The following UBE2E2 variants were observed in gnomAD, a reference collection of about 807,000 sequenced individuals.
UBE2E2 encodes the protein ubiquitin conjugating enzyme E2 E2.
Under a neutral mutation model 24.7 loss-of-function variants are expected in UBE2E2, and 6 were observed. The observed-to-expected ratio is 0.24, with a 90% CI of 0.13 to 0.48. UBE2E2 has a LOEUF of 0.48. Among genes scored for constraint, UBE2E2 ranks in the 20% least tolerant of loss-of-function variants. The probability of loss-of-function intolerance (pLI) is 0.99; values close to 1 mark genes in which losing one functional copy is unlikely to be tolerated. For synonymous variants in UBE2E2, 104 were observed against 83.6 expected (o/e 1.24, Z -1.33); for missense variants, 169 against 245.0 (o/e 0.69, Z 2.07).
intron 5 of UBE2E2, among the ~76,000 whole-genome samples, chr3:23,581,170 A>G (rs2125518774): frequency 6.6e-6 from 1 of 152,200 alleles, no homozygotes; most frequent in Non-Finnish European, 1.5e-5. Context: ...TCCTGGACTC[A>G]AGGGATCCTC....
chr3:23,350,267 A>T (rs1401361216), intron 3 of UBE2E2, among the ~76,000 whole-genome samples: 1 of 152,228 alleles, frequency 6.6e-6, no homozygotes, highest in African/African-American at 2.4e-5. Flanking sequence ...AAAAGTAGAT[A>T]AAACCACAAA....
intron 3 of UBE2E2, among the ~76,000 whole-genome samples, chr3:23,294,111 A>G (rs1166612772): frequency 6.6e-6 from 1 of 152,242 alleles, no homozygotes; most frequent in Non-Finnish European, 1.5e-5. Context: ...AAAAATGTTA[A>G]GAAACTAATT....
chr3:23,321,772 C>A (rs1694744791), intron 3 of UBE2E2, among the ~76,000 whole-genome samples: 1 of 151,458 alleles, frequency 6.6e-6, no homozygotes, highest in Non-Finnish European at 1.5e-5. Flanking sequence ...GAATCATTGT[C>A]TTTGCTAATT....
intron 3 of UBE2E2, among the ~76,000 whole-genome samples, chr3:23,460,175 C>T (rs1698777112): frequency 6.6e-6 from 1 of 152,164 alleles, no homozygotes; most frequent in Non-Finnish European, 1.5e-5. Context: ...ATGAGCTGCC[C>T]TCCCAGAGGT....
chr3:23,322,282 C>T (rs1038435746), intron 3 of UBE2E2, among the ~76,000 whole-genome samples: 2 of 152,118 alleles, frequency 1.3e-5, no homozygotes, highest in Non-Finnish European at 2.9e-5. Context: ...TTCTCTTATT[C>T]AGTTAGTTGA....
At chr3:23,400,701 AG>A (rs1231564393) in intron 3 of UBE2E2, among the ~76,000 whole-genome samples, 2 of 152,090 alleles carry the variant, frequency 1.3e-5, no homozygotes, top group African/African-American at 4.8e-5. Context: ...CCACTTAAAT[AG>A]AAAGCCACAT....
intron 4 of UBE2E2, among the ~76,000 whole-genome samples, chr3:23,513,006 TTA>T (rs1373016595): frequency 2.0e-5 from 3 of 152,154 alleles, no homozygotes; most frequent in African/African-American, 7.2e-5. Context: ...TACTGTGTAT[TTA>T]TGTTTCCCCC....
chr3:23,279,804 A>G (rs1208938272), intron 3 of UBE2E2, among the ~76,000 whole-genome samples: 1 of 152,224 alleles, frequency 6.6e-6, no homozygotes, highest in African/African-American at 2.4e-5. Context: ...GCTTAACTGC[A>G]GGAAGAAAAC....
chr3:23,363,865 T>C (rs1395020579), intron 3 of UBE2E2, among the ~76,000 whole-genome samples: 23 of 151,820 alleles, frequency 1.5e-4, no homozygotes, highest in Non-Finnish European at 1.8e-4. Flanking sequence ...GCACATGGCA[T>C]GTACTCTAAA....
At chr3:23,449,229 G>T (rs904264837) in intron 3 of UBE2E2, among the ~76,000 whole-genome samples, 1 of 152,106 alleles carries the variant, frequency 6.6e-6, no homozygotes, top group African/African-American at 2.4e-5. Flanking sequence ...AAAACATTTG[G>T]TAAGTGTAAG....
chr3:23,296,554 C>T (rs550084468), intron 3 of UBE2E2, among the ~76,000 whole-genome samples: 6 of 152,166 alleles, frequency 3.9e-5, no homozygotes, highest in South Asian at 2.1e-4. Flanking sequence ...TGAGAACATG[C>T]GGTGTTTGGT....
chr3:23,562,605 C>G (rs2125505718), intron 5 of UBE2E2, among the ~76,000 whole-genome samples: 1 of 152,202 alleles, frequency 6.6e-6, no homozygotes, highest in South Asian at 2.1e-4. Context: ...GGGAGGATTC[C>G]CTCTTTTTCT....
intron 3 of UBE2E2, among the ~76,000 whole-genome samples, chr3:23,382,178 A>ATTTTTTTTTTTT (rs10645761): frequency 3.6e-5 from 4 of 110,804 alleles, no homozygotes; most frequent in South Asian, 2.9e-4. Flanking sequence ...GAATACTTTA[A>ATTTTTTTTTTTT]TTTTTTTTTT....
At chr3:23,513,959 C>A (rs1694669883) in intron 4 of UBE2E2, among the ~76,000 whole-genome samples, 1 of 152,156 alleles carries the variant, frequency 6.6e-6, no homozygotes, top group Non-Finnish European at 1.5e-5. Flanking sequence ...TTTCCTTTCA[C>A]ATCTTTAACT....
chr3:23,243,437 G>A (rs1697308799), intron 3 of UBE2E2, among the ~76,000 whole-genome samples: 1 of 152,092 alleles, frequency 6.6e-6, no homozygotes, highest in Non-Finnish European at 1.5e-5. Context: ...CAGATCCTGG[G>A]CCCTTTACCC....
intron 3 of UBE2E2, among the ~76,000 whole-genome samples, chr3:23,327,605 G>A (rs1694938121): frequency 6.6e-6 from 1 of 152,188 alleles, no homozygotes; most frequent in South Asian, 2.1e-4. Context: ...GTTTGTGGCT[G>A]CAGTTAGTAT....
chr3:23,344,095 T>C (rs1695478251), intron 3 of UBE2E2, among the ~76,000 whole-genome samples: 1 of 152,204 alleles, frequency 6.6e-6, no homozygotes, highest in Non-Finnish European at 1.5e-5. Context: ...TTCTGCAAAT[T>C]AGCTACTTTG....
At chr3:23,561,922 T>C (rs906174159) in intron 5 of UBE2E2, among the ~76,000 whole-genome samples, 4 of 152,204 alleles carry the variant, frequency 2.6e-5, no homozygotes, top group Admixed American at 2.6e-4. Flanking sequence ...TGATTTTGTA[T>C]CCTGAGACTT....
chr3:23,511,231 A>G (rs116422741), intron 4 of UBE2E2, among the ~76,000 whole-genome samples: 2,175 of 152,324 alleles, frequency 0.014, 53 homozygotes, highest in African/African-American at 0.05. Flanking sequence ...AAATGCCAAT[A>G]GCAATCTCCC....
Sources: allele counts gnomAD v4.1 joint callset (sites outside exome capture counted in the v4.1 genomes callset), GRCh38; gene constraint gnomAD v4.1.1; transcripts MANE v1.5; gene names NCBI Gene and HGNC (gene_info 2026-07-23, HGNC 2026-07-21).